Variants in LRP2 observed in about 807,000 individuals in gnomAD.
LRP2 encodes low-density lipoprotein receptor-related protein 2.
Under a neutral mutation model 531.0 loss-of-function variants are expected in LRP2, and 172 were observed. The observed-to-expected ratio is 0.32, with a 90% CI of 0.29 to 0.37. The LOEUF (loss-of-function observed/expected upper bound fraction) is 0.37. Ranked by LOEUF, LRP2 falls within the 10% of genes least tolerant of loss-of-function variation. The pLI is 1.00. For synonymous variants in LRP2, 1,992 were observed against 2,027.6 expected, an observed-to-expected ratio of 0.98 and a Z score of 0.47; for missense variants, 5,167 against 5,868.3, an observed-to-expected ratio of 0.88 and a Z score of 3.90.
intron 70 of LRP2, among the ~76,000 whole-genome samples, chr2:169,145,016 T>C (rs1264920512): frequency 1.3e-5 from 2 of 152,250 alleles, no homozygotes; most frequent in Non-Finnish European, 2.9e-5. Context: ...CACAAGTTAC[T>C]AAATCTGTCT....
At chr2:169,321,242 G>A (rs1684899868) in intron 1 of LRP2, among the ~76,000 whole-genome samples, 1 of 152,074 alleles carries the variant, frequency 6.6e-6, no homozygotes, top group African/African-American at 2.4e-5. Context: ...AAAGATTTAT[G>A]TATAAAGATT....
chr2:169,203,132 A>G (rs1256891057), intron 42 of LRP2, among the ~76,000 whole-genome samples, 173 bp from the exon 43 acceptor site: 1 of 152,190 alleles, frequency 6.6e-6, no homozygotes, highest in Non-Finnish European at 1.5e-5. Context: ...TCCATCAAGA[A>G]GAGCAATCAC....
chr2:169,147,095 A>G (rs112018036), intron 68 of LRP2, 136 bp from the exon 69 acceptor site: 2 of 721,816 alleles, frequency 2.8e-6, no homozygotes, highest in Non-Finnish European at 2.5e-6. Context: ...CCAGTTTTAT[A>G]TTTTACAGAA....
At position 169,289,083 on chromosome 2, in the gene LRP2, C is replaced by T. The variant is rs1430502318; in HGVS notation, c.985G>A (p.Ala329Thr). 8 of 1,613,992 alleles carry T rather than the reference C, an allele frequency of 5.0e-6. No homozygotes were observed. The highest frequency in any genetic ancestry group is 5.9e-6 in the Non-Finnish European group (7 of 1,180,008). ...YQCHETPYGG[A>T]CFCPPGYIIN... ...ATATAACCTGGGGGACAAAAACACG[C>T]TCCTCCATACGGCGTCTCATGGCAC... Residue 329 changes from alanine (A) to threonine (T), a missense_variant, in exon 9 of 79, where the codon GCG becomes ACG. Transcript: ENST00000649046.
Position 169,241,263 on chromosome 2 carries a change from A to T in LRP2, c.3770T>A (p.Leu1257His). ...FWECDGHPDC[L>H]YGSDEHNACV... The stretch of plus-strand genomic sequence containing the variant: ...GGCATTGTGCTCATCAGATCCATAG[A>T]GGCAGTCTGGATGCCCATCACATTC... The change falls in exon 25 of 79, where the codon CTC becomes CAC. Residue 1257 changes from leucine to histidine, a missense_variant. Leu to His is a moderately conservative substitution (Grantham distance 99). Around this residue, in one of 6 missense-constraint regions of LRP2, gnomAD observed 2,811 missense variants for 3,058.0 expected, o/e 0.92. Coordinates refer to ENST00000649046, the MANE Select transcript of LRP2 (RefSeq NM_004525.3). 3.7e-6 allele frequency: 6 copies of T among 1,614,194 alleles called. No homozygotes were observed. Among genetic ancestry groups the T allele is most frequent in the Non-Finnish European group, 5.1e-6 (6 of 1,180,032 alleles).
chr2:169,350,346 C>T (rs1441434497), intron 1 of LRP2, among the ~76,000 whole-genome samples: 1 of 152,062 alleles, frequency 6.6e-6, no homozygotes, highest in Admixed American at 6.5e-5. Context: ...ATATGTGGGT[C>T]TAGACTATAG....
At chr2:169,215,098 A>G (rs1174858849) in intron 35 of LRP2, among the ~76,000 whole-genome samples, 2 of 152,186 alleles carry the variant, frequency 1.3e-5, no homozygotes, top group Non-Finnish European at 2.9e-5. Flanking sequence ...CATTGCACAC[A>G]TGCACCCAAC....
At chr2:169,204,382 C>A in intron 41 of LRP2, 111 bp from the exon 42 acceptor site, 1 of 1,041,208 alleles carries the variant, frequency 9.6e-7, no homozygotes, top group Non-Finnish European at 1.5e-6. Flanking sequence ...TGCAAACTTT[C>A]TTTTCAAATG....
chr2:169,187,745 T>C (rs1687682546), intron 49 of LRP2, among the ~76,000 whole-genome samples: 1 of 152,242 alleles, frequency 6.6e-6, no homozygotes, highest in Non-Finnish European at 1.5e-5. Flanking sequence ...TTTGCCCATC[T>C]TCTGTTCTCT....
At chr2:169,245,312 T>C (rs945253276) in intron 21 of LRP2, among the ~76,000 whole-genome samples, 13 of 152,218 alleles carry the variant, frequency 8.5e-5, no homozygotes, top group Admixed American at 3.9e-4. Context: ...TCCTTAACTT[T>C]CAAGCTGTTA....
chr2:169,247,129 C>A, intron 20 of LRP2, 143 bp from the exon 21 acceptor site: 1 of 1,066,324 alleles, frequency 9.4e-7, no homozygotes. Context: ...GAAATCAACC[C>A]GCCAAATACA....
intron 25 of LRP2, among the ~76,000 whole-genome samples, chr2:169,240,228 G>A (rs1689755378): frequency 2.0e-5 from 3 of 152,182 alleles, no homozygotes; most frequent in African/African-American, 7.2e-5. Context: ...AATCAAAGGG[G>A]AAAGGTCATT....
intron 9 of LRP2, among the ~76,000 whole-genome samples, chr2:169,286,186 T>C (rs758707699): frequency 6.6e-6 from 1 of 152,188 alleles, no homozygotes; most frequent in Non-Finnish European, 1.5e-5. Flanking sequence ...CAGAGGCAAA[T>C]GACACATTCT....
At chr2:169,258,770 T>C (rs2105410597) in intron 17 of LRP2, among the ~76,000 whole-genome samples, 1 of 152,184 alleles carries the variant, frequency 6.6e-6, no homozygotes, top group East Asian at 1.9e-4. Flanking sequence ...TCTGCAACTG[T>C]GAAAAAAACT....
chr2:169,177,878 T>C lies in LRP2; in HGVS notation c.10318A>G (p.Asn3440Asp). The change falls in exon 53 of 79, where the codon AAT (asparagine) becomes GAT (aspartate). Residue 3440 changes from asparagine to aspartate, a missense_variant. Asn to Asp is a conservative substitution (Grantham distance 23). Transcript: ENST00000649046. ...GTTGTGTTCACCAGTGTCTGTCTAT[T>C]TGATCCATCATATTTGTTTCCCTTT... Reference protein sequence around the residue: ...VEKGNKYDGSNRQTLVNTTHR... With the variant: ...VEKGNKYDGSDRQTLVNTTHR... 2 of 1,614,234 alleles carry C rather than the reference T, an allele frequency of 1.2e-6. No homozygotes were observed. Among genetic ancestry groups the C allele is most frequent in the Non-Finnish European group, 1.7e-6 (2 of 1,180,030 alleles).
rs544277136 is a variant in LRP2 at position 169,175,317 on chromosome 2, G to A, written c.10644C>T (p.Cys3548=). Residue 3548 remains cysteine (C), a synonymous_variant, in exon 55 of 79, where the codon TGC becomes TGT. Transcript: ENST00000649046. The stretch of plus-strand genomic sequence containing the variant: ...GTCCCAGTCGGCAGAAGCGCTGCGG[G>A]CAAAGGGCCAGTTCATCAGAGCCAT... ...CSDGSDELAL[C]PQRFCRLGQF... 1.1e-5 allele frequency: 17 copies of A among 1,614,182 alleles called. No homozygotes were observed. The highest frequency in any genetic ancestry group is 2.7e-5 in the African/African-American group (2 of 75,046).
Position 169,307,324 on chromosome 2 carries a change from G to A in LRP2, c.384C>T (p.Asp128=). 6.2e-7 allele frequency: 1 copy of A among 1,614,032 alleles called. No individual in the cohort carries two copies. Among genetic ancestry groups the A allele is most frequent in the Non-Finnish European group, 8.5e-7 (1 of 1,179,942 alleles). ...CTCCATCGGGGCAGTCTCTGACGTG[G>A]TCGCACCTGTATTCACTTGGGATAC... The part of the protein sequence containing the change: ...GQCIPSEYRC[D]HVRDCPDGAD... Residue 128 remains aspartate, a synonymous_variant, in exon 4 of 79, where the codon GAC becomes GAT. Coordinates refer to ENST00000649046, the MANE Select transcript of LRP2 (RefSeq NM_004525.3).
chr2:169,247,533 T>C lies in LRP2; in HGVS notation c.2771-18A>G. 10 of 1,613,680 alleles carry C rather than the reference T, an allele frequency of 6.2e-6. No individual in the cohort carries two copies. Among genetic ancestry groups the C allele is most frequent in the Non-Finnish European group, 8.5e-6 (10 of 1,179,716 alleles). ...TAAATGCTCTGAAAAGAAACATGGG[T>C]AGATTAGTATTTTCAGTCACAGCTA... On this transcript the variant is annotated intron_variant, in intron 19 of 78. Coordinates refer to ENST00000649046, the MANE Select transcript of LRP2 (RefSeq NM_004525.3).
At chr2:169,200,066 T>C (rs181356412) in intron 44 of LRP2, among the ~76,000 whole-genome samples, 395 of 152,190 alleles carry the variant, frequency 2.6e-3, no homozygotes, top group Middle Eastern at 0.01. Flanking sequence ...CTGGCTAACA[T>C]GGTGAAACCT....
Sources: allele counts gnomAD v4.1 joint callset (sites outside exome capture counted in the v4.1 genomes callset), GRCh38; gene constraint gnomAD v4.1.1; regional missense constraint gnomAD v4.1.1; transcripts MANE v1.5; gene names NCBI Gene and HGNC (gene_info 2026-07-23, HGNC 2026-07-21).